The following DDX50 variants were observed in gnomAD, a reference collection of about 807,000 sequenced individuals.
DDX50 encodes DExD-box helicase 50, also known as ATP-dependent RNA helicase DDX50.
In DDX50, 56 loss-of-function variants were observed where a neutral mutation model predicts 94.8. That is an observed-to-expected ratio of 0.59 (90% CI 0.48 to 0.74). DDX50 has a LOEUF of 0.74. Ranked by LOEUF, DDX50 falls within the 30% of genes least tolerant of loss-of-function variation. DDX50 has a pLI of 0.00. For missense variants in DDX50, 713 were observed against 881.2 expected (o/e 0.81, Z 2.42); for synonymous variants, 264 against 295.4 (o/e 0.89, Z 1.09).
rs1344829711 is a variant in DDX50, at chr10:68,901,348, G to C, written c.-37G>C. Reference sequence around the variant, plus strand: ...GCTGTCGCTGCCCGTAGGTGGTTGTGGCCACTGTGCCCGGAGGGAGGCGGC... The same window carrying C: ...GCTGTCGCTGCCCGTAGGTGGTTGTCGCCACTGTGCCCGGAGGGAGGCGGC... On this transcript the variant is annotated 5_prime_UTR_variant, in exon 1 of 15. Coordinates refer to ENST00000373585, the MANE Select transcript of DDX50 (RefSeq NM_024045.2). 3 of 1,515,684 alleles carry C rather than the reference G, an allele frequency of 2.0e-6. No individual in the cohort carries two copies. The highest frequency in any genetic ancestry group is 2.1e-5 in the Admixed American group (1 of 47,088). The allele number at this position is 1,515,684 out of a possible 1,614,324, so 93.9% of individuals were successfully genotyped here. A position where few individuals can be genotyped will look rare whatever the true frequency, so the allele number is the denominator to read the frequency against.
At chr10:68,929,294 T>TTCCTTC (rs372281464) in intron 8 of DDX50, among the ~76,000 whole-genome samples, 5,377 of 108,784 alleles carry the variant, frequency 0.049, 152 homozygotes, top group African/African-American at 0.061. Context: ...CCTTCCTTCC[T>TTCCTTC]CTCTCTCTCT....
At chr10:68,931,391 AAAT>A (rs1206490165) in intron 8 of DDX50, among the ~76,000 whole-genome samples, 7 of 55,020 alleles carry the variant, frequency 1.3e-4, no homozygotes, top group African/African-American at 6.2e-4. Flanking sequence ...TTAAAAAAAA[AAAT>A]ATATATATAT....
In DDX50 at chr10:68,936,315, A is replaced by G. The variant is rs540719794; in HGVS notation, c.1595+236A>G. On this transcript the variant is annotated intron_variant, in intron 11 of 14. Transcript: ENST00000373585. ...ATCCTGGCTAACACGGTGAAACCCT[A>G]TCTCTACTAAAAAAATACAAAAAAT... Among the ~76,000 whole-genome samples, 1,263 of 149,252 alleles carry G rather than the reference A, an allele frequency of 8.5e-3. 18 individuals carry two copies. The highest frequency in any genetic ancestry group is 0.029 in the African/African-American group (1,184 of 40,464).
At chr10:68,931,638 T>G (rs1184911201) in intron 8 of DDX50, among the ~76,000 whole-genome samples, 2 of 151,286 alleles carry the variant, frequency 1.3e-5, no homozygotes, top group Non-Finnish European at 2.9e-5. Flanking sequence ...CTCACCATGT[T>G]GGTCTCGAAC....
intron 13 of DDX50, among the ~76,000 whole-genome samples, chr10:68,942,559 C>A (rs1182750410): frequency 6.6e-6 from 1 of 152,072 alleles, no homozygotes; most frequent in African/African-American, 2.4e-5. Context: ...ACAACTAAGA[C>A]CATAGAAGAA....
intron 2 of DDX50, among the ~76,000 whole-genome samples, chr10:68,907,617 G>T (rs1841498185): frequency 6.6e-6 from 1 of 151,698 alleles, no homozygotes. Flanking sequence ...ACACTGGGCT[G>T]ATAATTAGTA....
At chr10:68,944,598 G>C (rs776082720) in intron 14 of DDX50, among the ~76,000 whole-genome samples, 1 of 152,058 alleles carries the variant, frequency 6.6e-6, no homozygotes, top group Non-Finnish European at 1.5e-5. Flanking sequence ...CCAGGCTGCA[G>C]TGCAGTGGTG....
intron 13 of DDX50, among the ~76,000 whole-genome samples, chr10:68,942,286 G>GT (rs1477716930): frequency 1.3e-5 from 2 of 152,096 alleles, no homozygotes; most frequent in Non-Finnish European, 2.9e-5. Flanking sequence ...TCTTCTAATG[G>GT]TTTTGAAAAA....
At chr10:68,938,893 A>C (rs923622077) in intron 12 of DDX50, among the ~76,000 whole-genome samples, 1 of 151,644 alleles carries the variant, frequency 6.6e-6, no homozygotes, top group African/African-American at 2.4e-5. Context: ...TTTTTTTCTG[A>C]TATTGATTTG....
chr10:68,935,038 G>T (rs1339779398), intron 10 of DDX50, 120 bp downstream of exon 10: 2 of 1,286,442 alleles, frequency 1.6e-6, no homozygotes, highest in African/African-American at 1.5e-5. Flanking sequence ...GCTGCATTTG[G>T]CTGTGAAGCC....
chr10:68,909,561 T>A (rs1219490880), intron 2 of DDX50, among the ~76,000 whole-genome samples: 1 of 152,234 alleles, frequency 6.6e-6, no homozygotes, highest in Non-Finnish European at 1.5e-5. Flanking sequence ...TTTGTCTACA[T>A]CTGTATGATT....
intron 8 of DDX50, among the ~76,000 whole-genome samples, chr10:68,925,904 C>T (rs1336727590): frequency 3.3e-5 from 5 of 150,690 alleles, no homozygotes; most frequent in South Asian, 4.2e-4. Flanking sequence ...GTCCCAGCTG[C>T]GTGGGAGGCC....
intron 2 of DDX50, among the ~76,000 whole-genome samples, chr10:68,907,463 G>A (rs1589248852): frequency 6.6e-6 from 1 of 151,512 alleles, no homozygotes; most frequent in East Asian, 2.0e-4. Context: ...TTACGGGCAC[G>A]CACCACCATG....
intron 1 of DDX50, among the ~76,000 whole-genome samples, chr10:68,902,810 A>G (rs916075657): frequency 1.3e-5 from 2 of 152,186 alleles, no homozygotes; most frequent in African/African-American, 4.8e-5. Flanking sequence ...TTTCCTGACA[A>G]CCCGAATGTA....
chr10:68,926,875 A>G (rs760898064), intron 8 of DDX50, among the ~76,000 whole-genome samples: 3 of 151,940 alleles, frequency 2.0e-5, no homozygotes, highest in Non-Finnish European at 4.4e-5. Flanking sequence ...TGAATGTAGT[A>G]TGTTCCTCTT....
chr10:68,930,035 G>A (rs1482094735), intron 8 of DDX50, among the ~76,000 whole-genome samples: 2 of 147,554 alleles, frequency 1.4e-5, no homozygotes, highest in Non-Finnish European at 1.5e-5. Context: ...GCCCAGCCTG[G>A]TCCCTTTCTT....
At chr10:68,912,139 C>T (rs562240100) in intron 4 of DDX50, among the ~76,000 whole-genome samples, 18 of 152,036 alleles carry the variant, frequency 1.2e-4, no homozygotes, top group African/African-American at 3.6e-4. Context: ...TTATGTTTTT[C>T]GGGTGAAATT....
intron 7 of DDX50, among the ~76,000 whole-genome samples, chr10:68,915,729 GAAAA>G (rs1841768945): frequency 6.7e-6 from 1 of 148,744 alleles, no homozygotes; most frequent in South Asian, 2.1e-4. Flanking sequence ...AAAAAAAAAA[GAAAA>G]AAGAACTAAA....
chr10:68,929,284 CCTTCCTTCCTCTCT>C (rs1279672268), intron 8 of DDX50, among the ~76,000 whole-genome samples: 1 of 77,886 alleles, frequency 1.3e-5, no homozygotes, highest in Non-Finnish European at 3.2e-5. Context: ...TTCCTTCCTT[CCTTCCTTCCTCTCT>C]CTCTCTCTCT....
Sources: allele counts gnomAD v4.1 joint callset (sites outside exome capture counted in the v4.1 genomes callset), GRCh38; gene constraint gnomAD v4.1.1; transcripts MANE v1.5; gene names NCBI Gene and HGNC (gene_info 2026-07-23, HGNC 2026-07-21).